The following IGSF10 variants were observed in gnomAD, a reference collection of about 807,000 sequenced individuals.
The protein encoded by IGSF10 is immunoglobulin superfamily member 10, also known as calvaria mechanical force protein 608.
A neutral mutation model predicts 128.2 loss-of-function variants in IGSF10; 126 were observed. The observed-to-expected ratio is 0.98, with a 90% confidence interval of 0.85 to 1.14. The LOEUF (loss-of-function observed/expected upper bound fraction) is 1.14, where lower values mean the gene tolerates loss of function less well. Ranked by LOEUF, IGSF10 falls within the 50% of genes most tolerant of loss-of-function variation. IGSF10 has a pLI of 0.00. For synonymous variants in IGSF10, 1,185 were observed against 1,146.2 expected, an observed-to-expected ratio of 1.03 and a Z score of -0.68; for missense variants, 3,295 against 3,149.8, an observed-to-expected ratio of 1.05 and a Z score of -1.10.
chr3:151,614,446 A>G, the IGSF10 span, among the ~76,000 whole-genome samples: 2 of 152,238 alleles, frequency 1.3e-5, no homozygotes, highest in Admixed American at 1.3e-4. Flanking sequence ...GATAGACTGG[A>G]TTAAGAAAAT....
chr3:151,480,680 C>G, the IGSF10 span, among the ~76,000 whole-genome samples: 1 of 152,062 alleles, frequency 6.6e-6, no homozygotes, highest in South Asian at 2.1e-4. Context: ...CCAAGCAGAG[C>G]TGCTTGGGTA....
Position 151,448,913 on chromosome 3 carries a change from A to G in IGSF10, c.1068T>C (p.Thr356=). 1 of 1,614,206 alleles carries G rather than the reference A, an allele frequency of 6.2e-7. No homozygotes were observed. The highest frequency in any genetic ancestry group is 8.5e-7 in the Non-Finnish European group (1 of 1,180,046). Residue 356 remains threonine, a synonymous_variant, in exon 6 of 8, where the codon ACT becomes ACC. Coordinates refer to ENST00000282466, the MANE Select transcript of IGSF10 (RefSeq NM_178822.5). ...TEENDYIVLN[T]SFSTFLVCNI... ...TGCACACCAAAAATGTTGAAAATGAAGTATTTAGCACGATGTAGTCATTTT... is the reference window on the plus strand; with the variant it reads ...TGCACACCAAAAATGTTGAAAATGAGGTATTTAGCACGATGTAGTCATTTT...
At chr3:151,432,578 C>T (rs2108497334), downstream of IGSF10, 1 of 536,328 alleles carries the variant, frequency 1.9e-6, no homozygotes, top group Non-Finnish European at 3.4e-6. Context: ...GTCCCCTCTG[C>T]AGGGTGGTAC....
chr3:151,481,976 A>C, the IGSF10 span, among the ~76,000 whole-genome samples: 1 of 152,208 alleles, frequency 6.6e-6, no homozygotes, highest in African/African-American at 2.4e-5. Flanking sequence ...TTACTCCACT[A>C]TATCCACATG....
chr3:151,614,659 C>T, the IGSF10 span, among the ~76,000 whole-genome samples: 16 of 147,706 alleles, frequency 1.1e-4, no homozygotes, highest in East Asian at 4.2e-4. Context: ...CATCACACAC[C>T]GGGGACTGTT....
At chr3:151,583,568 G>A in the IGSF10 span, among the ~76,000 whole-genome samples, 1 of 152,190 alleles carries the variant, frequency 6.6e-6, no homozygotes, top group Non-Finnish European at 1.5e-5. Flanking sequence ...ACACACCAGG[G>A]CCTGTCGTGG....
chr3:151,510,190 C>A, the IGSF10 span, among the ~76,000 whole-genome samples: 1 of 152,242 alleles, frequency 6.6e-6, no homozygotes, highest in South Asian at 2.1e-4. Flanking sequence ...AAGTGGGCCC[C>A]TGACGCCCAA....
In IGSF10 at chr3:151,437,226, G is replaced by A; in HGVS notation, c.7335C>T (p.Ile2445=). Residue 2445 remains isoleucine (I), a synonymous_variant, in exon 8 of 8, where the codon ATC becomes ATT. Coordinates refer to ENST00000282466, the MANE Select transcript of IGSF10 (RefSeq NM_178822.5). ...AATGCAGTGATAGAGATTCTCCACTGATGCCTTTTACTGTCCCTGGTGCAT... is the reference window on the plus strand; with the variant it reads ...AATGCAGTGATAGAGATTCTCCACTAATGCCTTTTACTGTCCCTGGTGCAT... ...LTYAPGTVKG[I]SGESLSLHCV... The A allele has an allele frequency of 1.2e-6, 2 of 1,614,182 alleles. No homozygotes were observed. Among genetic ancestry groups the A allele is most frequent in the Non-Finnish European group, 1.7e-6 (2 of 1,180,034 alleles).
At chr3:151,525,167 A>G in the IGSF10 span, among the ~76,000 whole-genome samples, 4 of 151,892 alleles carry the variant, frequency 2.6e-5, no homozygotes, top group Non-Finnish European at 4.4e-5. Context: ...CTGGGATTAC[A>G]GGCACCAGCC....
At chr3:151,494,182 A>G in the IGSF10 span, among the ~76,000 whole-genome samples, 6 of 152,094 alleles carry the variant, frequency 3.9e-5, no homozygotes, top group Non-Finnish European at 7.4e-5. Flanking sequence ...AAAGAGACCC[A>G]GGATTCCAAA....
chr3:151,566,604 T>C, the IGSF10 span, among the ~76,000 whole-genome samples: 1 of 152,138 alleles, frequency 6.6e-6, no homozygotes, highest in Non-Finnish European at 1.5e-5. Context: ...GAGATAAACA[T>C]TCAACAGGAA....
the IGSF10 span, among the ~76,000 whole-genome samples, chr3:151,509,563 G>A: frequency 4.6e-5 from 7 of 152,204 alleles, no homozygotes; most frequent in East Asian, 1.2e-3. Flanking sequence ...CACAGAAGAC[G>A]GGTGATTTCT....
At chr3:151,614,683 A>G in the IGSF10 span, among the ~76,000 whole-genome samples, 1 of 144,408 alleles carries the variant, frequency 6.9e-6, no homozygotes, top group Non-Finnish European at 1.5e-5. Flanking sequence ...GGGTGGGGAG[A>G]GGGGGGAGGG....
chr3:151,512,144 A>AAATC, the IGSF10 span, among the ~76,000 whole-genome samples: 1 of 152,224 alleles, frequency 6.6e-6, no homozygotes, highest in Admixed American at 6.5e-5. Flanking sequence ...TCTCCACCCC[A>AAATC]AATCAACAGA....
chr3:151,525,674 C>T, the IGSF10 span, among the ~76,000 whole-genome samples: 2 of 152,138 alleles, frequency 1.3e-5, no homozygotes, highest in East Asian at 1.9e-4. Context: ...TTCTTGCCCA[C>T]TATTGACTGG....
chr3:151,586,198 G>A, the IGSF10 span, among the ~76,000 whole-genome samples: 4 of 151,968 alleles, frequency 2.6e-5, no homozygotes, highest in African/African-American at 4.8e-5. Context: ...GGGCTCAAGC[G>A]ATCCGCCCAC....
Position 151,446,631 on chromosome 3 carries a change from G to T in IGSF10, c.3350C>A (p.Pro1117His), listed in dbSNP as rs1035296188. The change falls in exon 6 of 8, where the codon CCC becomes CAC. Residue 1117 changes from proline to histidine, a missense_variant. Physicochemically the swap from Pro to His is moderately conservative, Grantham distance 77. Transcript: ENST00000282466. ...QNPLLLLENK[P>H]SVEKTTPTIK... is the part of the protein sequence containing the mutation. ...TGTGGGTGTTGTTTTCTCTACACTG[G>T]GTTTGTTCTCAAGTAGTAATAGTGG... 3 of 1,613,970 alleles carry T rather than the reference G, an allele frequency of 1.9e-6. No individual in the cohort carries two copies. Among genetic ancestry groups the T allele is most frequent in the African/African-American group, 1.3e-5 (1 of 74,986 alleles).
the IGSF10 span, among the ~76,000 whole-genome samples, chr3:151,615,116 C>T: frequency 2.0e-5 from 3 of 150,324 alleles, no homozygotes; most frequent in Non-Finnish European, 4.5e-5. Context: ...AAAAAATATG[C>T]ATGAAACCTC....
chr3:151,545,497 A>C, the IGSF10 span, among the ~76,000 whole-genome samples: 89,680 of 152,002 alleles, frequency 0.59, 27,625 homozygotes, highest in African/African-American at 0.76. Context: ...TATCACTTCC[A>C]TTGTTTTTGG....
Sources: gnomAD v4.1 joint callset for allele counts (sites outside exome capture counted in the v4.1 genomes callset) on GRCh38, gnomAD v4.1.1 for gene constraint, MANE v1.5 for transcripts, NCBI Gene and HGNC (gene_info 2026-07-23, HGNC 2026-07-21) for gene names.